Variants in NBEAL2 observed in about 807,000 individuals in gnomAD.
The protein encoded by NBEAL2 is neurobeachin like 2.
A neutral mutation model predicts 299.8 loss-of-function variants in NBEAL2; 160 were observed. The observed-to-expected ratio is 0.53, with a 90% CI of 0.47 to 0.61. The LOEUF is 0.61. NBEAL2 is among the 20% of genes least tolerant of loss of function. NBEAL2 has a pLI of 0.00. For synonymous variants in NBEAL2, 1,493 were observed against 1,542.3 expected, an observed-to-expected ratio of 0.97 and a Z score of 0.75; for missense variants, 3,112 against 3,649.0, an observed-to-expected ratio of 0.85 and a Z score of 3.79.
At chr3:47,006,947 G>T (rs1357432137) in intron 45 of NBEAL2, 119 bp from the exon 46 acceptor site, 1 of 804,162 alleles carries the variant, frequency 1.2e-6, no homozygotes, top group African/African-American at 1.7e-5. Flanking sequence ...CTCTGCATCT[G>T]TGACACCTAC....
In NBEAL2 at chr3:47,008,511, T is replaced by G. The variant is rs775439883; in HGVS notation, c.7879-9T>G. 1 of 1,611,674 alleles carries G rather than the reference T, an allele frequency of 6.2e-7. No homozygotes were observed. The highest frequency in any genetic ancestry group is 1.7e-5 in the Admixed American group (1 of 59,978). On this transcript the variant is annotated splice_polypyrimidine_tract_variant and intron_variant, in intron 51 of 53. Transcript: ENST00000450053. ...TCCTGTCCTTGCTGACACTCCCTGCTTCCTCCAGGTCACCTACTCCTTGCA... is the reference window on the plus strand; with the variant it reads ...TCCTGTCCTTGCTGACACTCCCTGCGTCCTCCAGGTCACCTACTCCTTGCA...
chr3:46,990,013 G>A (rs1242511293), intron 6 of NBEAL2, among the ~76,000 whole-genome samples: 2 of 152,120 alleles, frequency 1.3e-5, no homozygotes, highest in Non-Finnish European at 2.9e-5. Flanking sequence ...GGACAGCTGT[G>A]GCTGCCTGTT....
At position 46,988,906 on chromosome 3, in the gene NBEAL2, C is replaced by CA; in HGVS notation, c.206dup (p.Leu70AlafsTer5). On this transcript the variant is annotated frameshift_variant, in exon 3 of 54. Coordinates refer to ENST00000450053, the MANE Select transcript of NBEAL2 (RefSeq NM_015175.3). LOFTEE classifies it high-confidence loss of function. The surrounding 1 kb of genome is among the most constrained non-coding windows in gnomAD (Gnocchi z 4.4). ...GGATGAGCTGCATGTGCTGGCCGAA[C>CA]AGCTGCACCAGGCTGACCTGGAGCA... 1 of 1,612,860 alleles carries CA rather than the reference C, an allele frequency of 6.2e-7. No individual in the cohort carries two copies. Among genetic ancestry groups the CA allele is most frequent in the Non-Finnish European group, 8.5e-7 (1 of 1,179,200 alleles).
intron 1 of NBEAL2, among the ~76,000 whole-genome samples, chr3:46,981,714 T>G (rs183870319): frequency 3.9e-5 from 6 of 152,130 alleles, no homozygotes; most frequent in Non-Finnish European, 5.9e-5. Flanking sequence ...AAAGGGGGCT[T>G]AAACCAGCTG....
In NBEAL2 at chr3:46,997,555, T is replaced by C; in HGVS notation, c.2825-6T>C. The C allele has an allele frequency of 6.3e-7, 1 of 1,589,136 alleles. No homozygotes were observed. The highest frequency in any genetic ancestry group is 8.6e-7 in the Non-Finnish European group (1 of 1,162,196). ...ACACATCTGTCCCCTTCCTGATGGC[T>C]GGCAGAGGAACGGATGGAGAGGAAC... On this transcript the variant is annotated splice_region_variant and splice_polypyrimidine_tract_variant and intron_variant, in intron 19 of 53. Transcript: ENST00000450053.
Sources: allele counts gnomAD v4.1 joint callset (sites outside exome capture counted in the v4.1 genomes callset), GRCh38; gene constraint gnomAD v4.1.1; non-coding constraint Gnocchi (gnomAD v3.1); transcripts MANE v1.5; gene names NCBI Gene and HGNC (gene_info 2026-07-23, HGNC 2026-07-21).